Variants in GNAL observed in about 807,000 individuals in gnomAD.
GNAL encodes G protein subunit alpha L, also known as guanine nucleotide-binding protein G(olf) subunit alpha.
GNAL carries 18 observed loss-of-function variants against 55.1 expected under a neutral mutation model. That is an observed-to-expected ratio of 0.33 (90% CI 0.23 to 0.48). The LOEUF is 0.48. Ranked by LOEUF, GNAL falls within the 20% of genes least tolerant of loss-of-function variation. GNAL has a pLI of 0.99. For synonymous variants in GNAL, 253 were observed against 237.0 expected, an observed-to-expected ratio of 1.07 and a Z score of -0.62; for missense variants, 412 against 614.1, an observed-to-expected ratio of 0.67 and a Z score of 3.48.
chr18:11,777,027 G>A (rs900757426), intron 4 of GNAL, among the ~76,000 whole-genome samples: 5 of 152,174 alleles, frequency 3.3e-5, no homozygotes, highest in Non-Finnish European at 5.9e-5. Flanking sequence ...AGAATTGGAA[G>A]GACAAATACA....
intron 1 of GNAL, among the ~76,000 whole-genome samples, chr18:11,744,192 T>C (rs1214954692): frequency 6.6e-6 from 1 of 152,184 alleles, no homozygotes; most frequent in Non-Finnish European, 1.5e-5. Flanking sequence ...TTCAGTGTTA[T>C]TTTGGTTTTT....
intron 7 of GNAL, 50 bp downstream of exon 7, chr18:11,864,656 G>C (rs757502874): frequency 1.0e-6 from 1 of 979,790 alleles, no homozygotes; most frequent in Non-Finnish European, 1.7e-6. Flanking sequence ...TGATGTCCCA[G>C]AGCCGAAGGG....
In GNAL at chr18:11,868,434, C is replaced by G; in HGVS notation, c.911-109C>G. On this transcript the variant is annotated intron_variant, in intron 8 of 11. Transcript: ENST00000334049. This position sits in a 1 kb window ranked among gnomAD's most constrained non-coding sequence, Gnocchi z 4.0. ...CTGTTCTGTGACTGAATAGTCCTAT[C>G]ACTGAATGAATGTTTTTGTGGAACT... is the stretch of plus-strand genomic sequence containing the variant. 1 of 919,110 alleles carries G rather than the reference C, an allele frequency of 1.1e-6. No homozygotes were observed. The allele number at this position is 919,110 out of a possible 1,614,324, so 56.9% of individuals were successfully genotyped here. A position where few individuals can be genotyped will look rare whatever the true frequency, so the allele number is the denominator to read the frequency against.
chr18:11,805,065 G>A (rs1052588929), intron 4 of GNAL, among the ~76,000 whole-genome samples: 5 of 151,388 alleles, frequency 3.3e-5, no homozygotes, highest in Admixed American at 6.6e-5. Flanking sequence ...TGCAATTTGA[G>A]TGGAACATGG....
At chr18:11,722,716 A>G (rs1182038832) in intron 1 of GNAL, among the ~76,000 whole-genome samples, 1 of 152,118 alleles carries the variant, frequency 6.6e-6, no homozygotes, top group Non-Finnish European at 1.5e-5. Context: ...CTCTAACTGA[A>G]AATACAAAAA....
chr18:11,794,865 C>G (rs2034337139), intron 4 of GNAL, among the ~76,000 whole-genome samples: 2 of 150,914 alleles, frequency 1.3e-5, no homozygotes, highest in Non-Finnish European at 2.9e-5. Context: ...GTTTTTGAGA[C>G]AGAGTCTCGT....
At chr18:11,861,259 TG>T (rs1390262621) in intron 5 of GNAL, among the ~76,000 whole-genome samples, 1 of 151,976 alleles carries the variant, frequency 6.6e-6, no homozygotes, top group African/African-American at 2.4e-5. Context: ...TCCCTCCTGC[TG>T]GCTCTCCTTC....
chr18:11,739,551 C>A (rs1479383192), intron 1 of GNAL, among the ~76,000 whole-genome samples: 1 of 152,176 alleles, frequency 6.6e-6, no homozygotes, highest in Non-Finnish European at 1.5e-5. Context: ...ATGTGTTCTC[C>A]AGCATTTTCC....
At chr18:11,707,903 C>T (rs2031750784) in intron 1 of GNAL, among the ~76,000 whole-genome samples, 1 of 152,244 alleles carries the variant, frequency 6.6e-6, no homozygotes, top group Non-Finnish European at 1.5e-5. Flanking sequence ...CTGCTAGCTT[C>T]CAGCTTTTCT....
chr18:11,767,364 GTGCACACTTACACT>G (rs2033441811), intron 4 of GNAL, among the ~76,000 whole-genome samples: 1 of 151,048 alleles, frequency 6.6e-6, no homozygotes, highest in Non-Finnish European at 1.5e-5. Flanking sequence ...AACCTGCTCT[GTGCACACTTACACT>G]TGCACACTTG....
At chr18:11,835,489 C>T (rs2035479872) in intron 5 of GNAL, among the ~76,000 whole-genome samples, 1 of 151,340 alleles carries the variant, frequency 6.6e-6, no homozygotes, top group Non-Finnish European at 1.5e-5. Flanking sequence ...CCTAAAAGTA[C>T]AGTAAAACGA....
chr18:11,693,540 C>T (rs2031316743), intron 1 of GNAL, among the ~76,000 whole-genome samples: 1 of 152,178 alleles, frequency 6.6e-6, no homozygotes, highest in Non-Finnish European at 1.5e-5. Context: ...ATGGATTTAG[C>T]TGGAAATTTT....
At chr18:11,798,813 G>A (rs1386191429) in intron 4 of GNAL, among the ~76,000 whole-genome samples, 1 of 152,084 alleles carries the variant, frequency 6.6e-6, no homozygotes, top group Non-Finnish European at 1.5e-5. Flanking sequence ...AAGCAGTTAA[G>A]TAGTTTAACA....
intron 5 of GNAL, among the ~76,000 whole-genome samples, chr18:11,837,193 G>C (rs2035516055): frequency 6.6e-6 from 1 of 152,138 alleles, no homozygotes; most frequent in African/African-American, 2.4e-5. Context: ...GTTTCACCAT[G>C]TTGGGCAGGC....
At chr18:11,859,336 TCTC>T (rs1204876277) in intron 5 of GNAL, among the ~76,000 whole-genome samples, 11 of 152,134 alleles carry the variant, frequency 7.2e-5, no homozygotes, top group Admixed American at 6.6e-4. Context: ...GGCAGAAACT[TCTC>T]CTACCTTCTC....
rs539813060 is a variant in GNAL, at chr18:11,841,961, A to T, written c.722+16946A>T. Among the ~76,000 whole-genome samples the T allele has an allele frequency of 4.0e-5, 6 of 151,864 alleles. No individual in the cohort carries two copies. In the South Asian group the frequency reaches 1.0e-3, roughly 26 times the overall value. ...CAAATAACGAAAGAAAACATATGTT[A>T]TATTTTAGTTCAGATTTTTTTTTTT... On this transcript the variant is annotated intron_variant, in intron 5 of 11. Transcript: ENST00000334049.
chr18:11,812,060 GA>G (rs2034831011), intron 4 of GNAL, among the ~76,000 whole-genome samples: 1 of 152,210 alleles, frequency 6.6e-6, no homozygotes, highest in Admixed American at 6.5e-5. Flanking sequence ...TTTACAGAGA[GA>G]ATCTTAGGTC....
intron 4 of GNAL, among the ~76,000 whole-genome samples, chr18:11,802,089 G>A (rs1190401854): frequency 6.6e-6 from 1 of 151,750 alleles, no homozygotes; most frequent in African/African-American, 2.4e-5. Flanking sequence ...TTTTTTTTCT[G>A]GTAGGAAGAC....
intron 1 of GNAL, among the ~76,000 whole-genome samples, chr18:11,699,021 G>T (rs1163472167): frequency 1.3e-5 from 2 of 152,028 alleles, no homozygotes; most frequent in African/African-American, 2.4e-5. Flanking sequence ...TCAAAGGTAA[G>T]ACCTAACTCC....
Sources: allele counts gnomAD v4.1 joint callset (sites outside exome capture counted in the v4.1 genomes callset), GRCh38; gene constraint gnomAD v4.1.1; non-coding constraint Gnocchi (gnomAD v3.1); transcripts MANE v1.5; gene names NCBI Gene and HGNC (gene_info 2026-07-23, HGNC 2026-07-21).